Variants in MFGE8 observed in about 807,000 individuals in gnomAD.
MFGE8 encodes the protein milk fat globule EGF and factor V/VIII domain containing.
Under a neutral mutation model 42.6 loss-of-function variants are expected in MFGE8, and 34 were observed. The ratio of observed to expected loss-of-function variants is 0.80; its 90% confidence interval spans 0.61 to 1.06. The LOEUF (loss-of-function observed/expected upper bound fraction) is 1.06, where lower values mean the gene tolerates loss of function less well. Among genes scored for constraint, MFGE8 ranks in the 50% least tolerant of loss-of-function variants. The pLI is 0.00. For missense variants in MFGE8, 510 were observed against 516.9 expected (o/e 0.99, Z 0.13); for synonymous variants, 230 against 214.8 (o/e 1.07, Z -0.62).
rs568014289 is a variant in MFGE8, at chr15:88,912,592, G to C, written c.73+655C>G. 291 of 985,380 alleles carry C rather than the reference G, an allele frequency of 3.0e-4. 1 individual carries two copies. The highest frequency in any genetic ancestry group is 3.4e-4 in the Non-Finnish European group (280 of 829,902). The allele number at this position is 985,380 out of a possible 1,614,324, so 61.0% of individuals were successfully genotyped here. On this transcript the variant is annotated intron_variant, in intron 1 of 7. Coordinates refer to ENST00000268150, the MANE Select transcript of MFGE8 (RefSeq NM_005928.4). ...CTCCGGAGGCCTCCTGGGAGGCGGA[G>C]GAGGACCGGGGAAGATACAGCAGCC...
chr15:88,908,665 T>C (rs1898812254), intron 2 of MFGE8, among the ~76,000 whole-genome samples: 1 of 152,068 alleles, frequency 6.6e-6, no homozygotes, highest in African/African-American at 2.4e-5. Flanking sequence ...TTACCTCAGC[T>C]CCCAGGATAC....
At chr15:88,908,163 C>T (rs978826466) in intron 2 of MFGE8, among the ~76,000 whole-genome samples, 13 of 152,278 alleles carry the variant, frequency 8.5e-5, no homozygotes, top group African/African-American at 2.6e-4. Flanking sequence ...GGCCCACCTA[C>T]AGGCCAAGCT....
At chr15:88,913,162 T>C in intron 1 of MFGE8, 85 bp downstream of exon 1, 1 of 1,459,880 alleles carries the variant, frequency 6.8e-7, no homozygotes, top group Non-Finnish European at 9.0e-7. Flanking sequence ...TTGTCAACAG[T>C]GGAGGTGGAG....
In MFGE8 at chr15:88,906,020, G is replaced by C. The variant is rs1049266978; in HGVS notation, c.541-119C>G. Reference sequence around the variant, plus strand: ...AGAGGTGGGGCTGGGAGGGTGAAGAGGACTTGGAAGAGCCAGCAGAGGCTC... The same window carrying C: ...AGAGGTGGGGCTGGGAGGGTGAAGACGACTTGGAAGAGCCAGCAGAGGCTC... On this transcript the variant is annotated intron_variant, in intron 4 of 7. Transcript: ENST00000268150. This position sits in a 1 kb window ranked among gnomAD's most constrained non-coding sequence, Gnocchi z 4.2. The C allele has an allele frequency of 1.7e-5, 21 of 1,245,914 alleles. No individual in the cohort carries two copies. In the African/African-American group the frequency reaches 2.7e-4, roughly 16 times the overall value. The allele number at this position is 1,245,914 out of a possible 1,614,324, so 77.2% of individuals were successfully genotyped here.
chr15:88,909,794 G>C lies in MFGE8; in HGVS notation c.203C>G (p.Thr68Arg). 1 of 1,614,124 alleles carries C rather than the reference G, an allele frequency of 6.2e-7. No homozygotes were observed. The highest frequency in any genetic ancestry group is 2.2e-5 in the East Asian group (1 of 44,892). Residue 68 changes from threonine to arginine, a missense_variant and splice_region_variant, in exon 2 of 8, where the codon ACG becomes AGG. Physicochemically the swap from Thr to Arg is moderately conservative, Grantham distance 71. Transcript: ENST00000268150. ...LKGYAGNHCE[T>R]KCVEPLGLEN... ...AACAAGCACCCCCACATACTCACTC[G>C]TCTCACAGTGGTTGCCCGCGTAGCC...
In MFGE8 at chr15:88,898,830, C is replaced by A. The variant is rs541425430; in HGVS notation, c.*565G>T. ...TCTCCCCATAGACCCGCCCCACCCC[C>A]TTCTGTGTCGCTGGGCTTCAGGACA... is the stretch of plus-strand genomic sequence containing the variant. On this transcript the variant is annotated 3_prime_UTR_variant, in exon 8 of 8. Coordinates refer to ENST00000268150, the MANE Select transcript of MFGE8 (RefSeq NM_005928.4). 1.7e-5 allele frequency: 3 copies of A among 175,348 alleles called. No homozygotes were observed. Among genetic ancestry groups the A allele is most frequent in the South Asian group, 1.4e-4 (1 of 7,392 alleles). The allele number at this position is 175,348 out of a possible 1,614,324, so 10.9% of individuals were successfully genotyped here.
chr15:88,905,581 G>T lies in MFGE8; in HGVS notation c.685+176C>A, dbSNP rs1006585698. 6 of 800,150 alleles carry T rather than the reference G, an allele frequency of 7.5e-6. No homozygotes were observed. The East Asian group carries it at 1.6e-4, about 21-fold the overall frequency. The allele number at this position is 800,150 out of a possible 1,614,324, so 49.6% of individuals were successfully genotyped here. A position where few individuals can be genotyped will look rare whatever the true frequency, so the allele number is the denominator to read the frequency against. ...ATGGGTTGGCAGACAGCAAACACCT[G>T]GGTGGGGCTGCTATGGCCAGGTGAC... is the stretch of plus-strand genomic sequence containing the variant. On this transcript the variant is annotated intron_variant, in intron 5 of 7. Coordinates refer to ENST00000268150, the MANE Select transcript of MFGE8 (RefSeq NM_005928.4). This position sits in a 1 kb window ranked among gnomAD's most constrained non-coding sequence, Gnocchi z 6.6.
intron 1 of MFGE8, 108 bp downstream of exon 1, chr15:88,913,139 G>A (rs2141732751): frequency 2.9e-6 from 4 of 1,398,772 alleles, no homozygotes; most frequent in East Asian, 3.0e-5. Context: ...GGTCCCCGGG[G>A]CTTTGTCTAA....
Position 88,899,783 on chromosome 15 carries a change from G to A in MFGE8, c.899C>T (p.Thr300Ile), listed in dbSNP as rs776679090. 2 of 1,614,048 alleles carry A rather than the reference G, an allele frequency of 1.2e-6. No homozygotes were observed. Among genetic ancestry groups the A allele is most frequent in the Non-Finnish European group, 1.7e-6 (2 of 1,179,938 alleles). ...QVDLGSSKEV[T>I]GIITQGARNF... ...ACGGGCCCCCTGGGTGATGATGCCT[G>A]TCACCTCCTTCGAGGAGCCCAGGTC... Residue 300 changes from threonine to isoleucine, a missense_variant, in exon 7 of 8, where the codon ACA (threonine) becomes ATA (isoleucine). Thr to Ile is a moderately conservative substitution (Grantham distance 89). Transcript: ENST00000268150. The surrounding 1 kb of genome is among the most constrained non-coding windows in gnomAD (Gnocchi z 6.8).
chr15:88,903,691 T>C lies in MFGE8; in HGVS notation c.686-1956A>G, dbSNP rs1188549403. The C allele has an allele frequency of 1.3e-5, 2 of 152,256 alleles. No individual in the cohort carries two copies. The highest frequency in any genetic ancestry group is 2.9e-5 in the Non-Finnish European group (2 of 68,066). The allele number at this position is 152,256 out of a possible 1,614,324, so 9.4% of individuals were successfully genotyped here. On this transcript the variant is annotated intron_variant, in intron 5 of 7. Transcript: ENST00000268150. The surrounding 1 kb of genome is among the most constrained non-coding windows in gnomAD (Gnocchi z 4.9). ...TTTTAGTAGAGACGGGGCTTCGCCA[T>C]GTTGGCCAAGCTGGTCTTGATCTCC... is the stretch of plus-strand genomic sequence containing the variant.
chr15:88,901,422 A>G (rs1898422966), intron 6 of MFGE8, 129 bp downstream of exon 6: 7 of 903,290 alleles, frequency 7.7e-6, no homozygotes, highest in Non-Finnish European at 1.2e-5. Flanking sequence ...AAGCCGAAGA[A>G]AAACAAGGCT....
chr15:88,912,322 G>T, intron 1 of MFGE8: 1 of 1,264,058 alleles, frequency 7.9e-7, no homozygotes. Context: ...GGCCGGGGAG[G>T]GCCAGGAGCT....
At chr15:88,912,960 G>C in intron 1 of MFGE8, 1 of 985,452 alleles carries the variant, frequency 1.0e-6, no homozygotes, top group Non-Finnish European at 1.2e-6. Context: ...AGAGAGGCCC[G>C]ACACAGCGGA....
chr15:88,908,424 C>T lies in MFGE8; in HGVS notation c.206-1048G>A, dbSNP rs376140630. 2.0e-5 allele frequency among the ~76,000 whole-genome samples: 3 copies of T among 152,340 alleles called. No individual in the cohort carries two copies. The East Asian group carries it at 5.8e-4, about 29-fold the overall frequency. On this transcript the variant is annotated intron_variant, in intron 2 of 7. Coordinates refer to ENST00000268150, the MANE Select transcript of MFGE8 (RefSeq NM_005928.4). ...ATCCCCATACCCCACCACGCTCACA[C>T]CCTGAAGGAGTCCAGTGTGCATTCT...
chr15:88,907,095 G>T, intron 3 of MFGE8, 100 bp downstream of exon 3: 1 of 1,438,146 alleles, frequency 7.0e-7, no homozygotes, highest in Non-Finnish European at 9.5e-7. Flanking sequence ...CTTGCCACCT[G>T]AACCCCAGTG....
At position 88,899,608 on chromosome 15, in the gene MFGE8, G is replaced by A. The variant is rs1188386471; in HGVS notation, c.1026+48C>T. 3.7e-6 allele frequency: 6 copies of A among 1,614,168 alleles called. No homozygotes were observed. The South Asian group carries it at 5.5e-5, about 15-fold the overall frequency. The stretch of plus-strand genomic sequence containing the variant: ...CAGAGCCCCAGGCCAGACTCCCAGG[G>A]AAGTAATGAAGGAATGGCAAAGGGT... On this transcript the variant is annotated intron_variant, in intron 7 of 7. Coordinates refer to ENST00000268150, the MANE Select transcript of MFGE8 (RefSeq NM_005928.4). This position sits in a 1 kb window ranked among gnomAD's most constrained non-coding sequence, Gnocchi z 6.8.
intron 6 of MFGE8, 35 bp downstream of exon 6, chr15:88,901,509 CCCACCCA>C: frequency 1.7e-6 from 1 of 601,992 alleles, no homozygotes; most frequent in Admixed American, 1.9e-5. Context: ...CCCACCTCAT[CCCACCCA>C]ACCCCAGCCC....
chr15:88,899,341 C>G lies in MFGE8; in HGVS notation c.*54G>C. ...TGGTGATTTAAAGGGGCTGAGAAGCCAAGAGGCAGCGGGCCCATGGAAAGC... is the reference window on the plus strand; with the variant it reads ...TGGTGATTTAAAGGGGCTGAGAAGCGAAGAGGCAGCGGGCCCATGGAAAGC... On this transcript the variant is annotated 3_prime_UTR_variant, in exon 8 of 8. Transcript: ENST00000268150. The surrounding 1 kb of genome is among the most constrained non-coding windows in gnomAD (Gnocchi z 6.8). 6.2e-7 allele frequency: 1 copy of G among 1,610,536 alleles called. No individual in the cohort carries two copies. The highest frequency in any genetic ancestry group is 8.5e-7 in the Non-Finnish European group (1 of 1,179,684).
At position 88,906,611 on chromosome 15, in the gene MFGE8, C is replaced by A; in HGVS notation, c.540+15G>T. On this transcript the variant is annotated intron_variant, in intron 4 of 7. Coordinates refer to ENST00000268150, the MANE Select transcript of MFGE8 (RefSeq NM_005928.4). This position sits in a 1 kb window ranked among gnomAD's most constrained non-coding sequence, Gnocchi z 4.2. ...ATGGACCACAGCCCTTCTTTCGGGC[C>A]CCAACAAGACCTACCTTGTGTTTTT... is the stretch of plus-strand genomic sequence containing the variant. The A allele has an allele frequency of 2.5e-6, 4 of 1,613,834 alleles. 1 individual carries two copies. The highest frequency in any genetic ancestry group is 3.4e-6 in the Non-Finnish European group (4 of 1,179,888).
Sources: allele counts gnomAD v4.1 joint callset (sites outside exome capture counted in the v4.1 genomes callset), GRCh38; gene constraint gnomAD v4.1.1; non-coding constraint Gnocchi (gnomAD v3.1); transcripts MANE v1.5; gene names NCBI Gene and HGNC (gene_info 2026-07-23, HGNC 2026-07-21).